Variants in BPTF observed in about 807,000 individuals in gnomAD.
The protein encoded by BPTF is bromodomain PHD finger transcription factor, also known as nucleosome-remodeling factor subunit BPTF.
A neutral mutation model predicts 292.5 loss-of-function variants in BPTF; 18 were observed. The observed-to-expected ratio is 0.06, with a 90% confidence interval of 0.04 to 0.09. The LOEUF (loss-of-function observed/expected upper bound fraction) is 0.09. BPTF is among the 10% of genes least tolerant of loss of function. The pLI is 1.00. For missense variants in BPTF, 2,726 were observed against 3,498.7 expected, an observed-to-expected ratio of 0.78 and a Z score of 5.57; for synonymous variants, 1,225 against 1,251.9, an observed-to-expected ratio of 0.98 and a Z score of 0.45.
chr17:67,967,263 T>A (rs2068220367), intron 26 of BPTF, among the ~76,000 whole-genome samples: 1 of 149,600 alleles, frequency 6.7e-6, no homozygotes, highest in Non-Finnish European at 1.5e-5. Context: ...TGCCTCAGCC[T>A]CCCGAGTAGC....
chr17:67,854,070 C>A lies in BPTF; in HGVS notation c.744C>A (p.Ala248=). The change falls in exon 2 of 28, where the codon GCC becomes GCA. Residue 248 remains alanine, a synonymous_variant. Transcript: ENST00000306378. The surrounding 1 kb of genome is among the most constrained non-coding windows in gnomAD (Gnocchi z 5.6). ...ATGAGCATATAATGAATGTCATTGC[C>A]ATTTACGAGGTACTGCGGAACTTTG... ...VPNEHIMNVI[A]IYEVLRNFGT... 6.2e-7 allele frequency: 1 copy of A among 1,614,172 alleles called. No homozygotes were observed. The highest frequency in any genetic ancestry group is 1.1e-5 in the South Asian group (1 of 91,086).
Sources: gnomAD v4.1 joint callset for allele counts (sites outside exome capture counted in the v4.1 genomes callset) on GRCh38, gnomAD v4.1.1 for gene constraint, Gnocchi (gnomAD v3.1) non-coding constraint, MANE v1.5 for transcripts, NCBI Gene and HGNC (gene_info 2026-07-23, HGNC 2026-07-21) for gene names.